Variants in TGM7 observed in about 807,000 individuals in gnomAD.
TGM7 encodes the protein transglutaminase 7, also known as protein-glutamine gamma-glutamyltransferase Z.
Under a neutral mutation model 79.5 loss-of-function variants are expected in TGM7, and 74 were observed. The observed-to-expected ratio is 0.93, with a 90% CI of 0.77 to 1.13. The LOEUF is 1.13. Among genes scored for constraint, TGM7 ranks in the 50% most tolerant of loss-of-function variants. TGM7 has a pLI of 0.00. For missense variants in TGM7, 912 were observed against 905.9 expected (o/e 1.01, Z -0.09); for synonymous variants, 354 against 362.5 (o/e 0.98, Z 0.27).
Position 43,282,077 on chromosome 15 carries a change from C to A in TGM7, c.1118G>T (p.Cys373Phe). 1 of 1,614,070 alleles carries A rather than the reference C, an allele frequency of 6.2e-7. No homozygotes were observed. Among genetic ancestry groups the A allele is most frequent in the African/African-American group, 1.3e-5 (1 of 75,048 alleles). Residue 373 changes from cysteine (C) to phenylalanine (F), a missense_variant, in exon 9 of 13, where the codon TGC becomes TTC. Transcript: ENST00000452443. ...GGCCTTCACAGAGGCAGGGCCACAG[C>A]AGAACAGCCCTGTGGAGGCAACAGG... Reference protein sequence around the residue: ...TPQQTSSGLFCCGPASVKAIR... With the variant: ...TPQQTSSGLFFCGPASVKAIR...
chr15:43,288,033 G>A (rs2042944848), intron 4 of TGM7, among the ~76,000 whole-genome samples: 1 of 152,102 alleles, frequency 6.6e-6, no homozygotes, highest in African/African-American at 2.4e-5. Flanking sequence ...CTTTGAGCAT[G>A]GTGGGTATCA....
rs1345370909 is a variant in TGM7 at position 43,293,631 on chromosome 15, A to G, written c.11T>C (p.Val4Ala). The change falls in exon 2 of 13, where the codon GTG (valine) becomes GCG (alanine). Residue 4 changes from valine (V) to alanine (A), a missense_variant and splice_region_variant. Transcript: ENST00000452443. MDQVATLRLESVDL... is the reference protein window; with the variant it reads MDQAATLRLESVDL... ...GACAGACTCAAGCCGCAAGGTTGCC[A>G]CTAGGGGAGAGGAGGGGACAGGTCA... 1 of 1,600,730 alleles carries G rather than the reference A, an allele frequency of 6.2e-7. No individual in the cohort carries two copies. The highest frequency in any genetic ancestry group is 1.7e-5 in the Admixed American group (1 of 59,428).
chr15:43,277,071 C>G, intron 11 of TGM7, 76 bp from the exon 12 acceptor site: 1 of 1,560,704 alleles, frequency 6.4e-7, no homozygotes, highest in East Asian at 2.3e-5. Context: ...CCCCCACCCC[C>G]AGGTCCCTGG....
At chr15:43,291,199 T>C (rs1355214187) in intron 4 of TGM7, among the ~76,000 whole-genome samples, 2 of 152,174 alleles carry the variant, frequency 1.3e-5, no homozygotes. Flanking sequence ...TGGCTGTGGG[T>C]TTGTCATAGG....
chr15:43,278,987 C>G (rs909014641), intron 11 of TGM7, 130 bp downstream of exon 11: 7 of 1,004,028 alleles, frequency 7.0e-6, no homozygotes, highest in Non-Finnish European at 1.0e-5. Context: ...AGCACTAGAC[C>G]ACACCATACT....
chr15:43,291,995 G>T lies in TGM7; in HGVS notation c.542C>A (p.Pro181His). The change falls in exon 4 of 13, where the codon CCC becomes CAC. Residue 181 changes from proline to histidine, a missense_variant. Pro to His is a moderately conservative substitution (Grantham distance 77, BLOSUM62 -2). Coordinates refer to ENST00000452443, the MANE Select transcript of TGM7 (RefSeq NM_052955.3). Reference sequence around the variant, plus strand: ...TAGTGTTACCTGCCCGTAGTTCCAGGGCCAGGAGGTGATGAATCTTTCATG... The same window carrying T: ...TAGTGTTACCTGCCCGTAGTTCCAGTGCCAGGAGGTGATGAATCTTTCATG... ...KGHERFITSW[P>H]WNYGQFEEDI... 6.2e-7 allele frequency: 1 copy of T among 1,613,780 alleles called. No individual in the cohort carries two copies. The highest frequency in any genetic ancestry group is 8.5e-7 in the Non-Finnish European group (1 of 1,179,776).
At chr15:43,292,461 C>G (rs1246180300) in intron 3 of TGM7, among the ~76,000 whole-genome samples, 1 of 152,196 alleles carries the variant, frequency 6.6e-6, no homozygotes, top group East Asian at 1.9e-4. Context: ...TAGCCACTCT[C>G]TCTTTCTGTG....
intron 3 of TGM7, 143 bp from the exon 4 acceptor site, chr15:43,292,240 C>A (rs969511081): frequency 4.8e-6 from 3 of 625,694 alleles, no homozygotes; most frequent in Non-Finnish European, 8.5e-6. Flanking sequence ...TAAGACTAGA[C>A]CCCCTTAAAG....
In TGM7 at chr15:43,279,156, T is replaced by C. The variant is rs1180218846; in HGVS notation, c.1800A>G (p.Leu600=). Residue 600 remains leucine, a synonymous_variant, in exon 11 of 13, where the codon CTA becomes CTG. Coordinates refer to ENST00000452443, the MANE Select transcript of TGM7 (RefSeq NM_052955.3). Reference sequence around the variant, plus strand: ...GGGGAGGCTCCAGACAGATATCTTTTAGGACCAGCATGGACCTCCCTGTCT... The same window carrying C: ...GGGGAGGCTCCAGACAGATATCTTTCAGGACCAGCATGGACCTCCCTGTCT... ...VEETGRSMLV[L]KDICLEPPHL... 3 of 1,614,094 alleles carry C rather than the reference T, an allele frequency of 1.9e-6. No homozygotes were observed. In the Admixed American group the frequency reaches 5.0e-5, roughly 27 times the overall value.
At position 43,282,466 on chromosome 15, in the gene TGM7, C is replaced by A. The variant is rs773800005; in HGVS notation, c.1108+51G>T. 25 of 1,498,650 alleles carry A rather than the reference C, an allele frequency of 1.7e-5. 1 individual carries two copies. Among genetic ancestry groups the A allele is most frequent in the Admixed American group, 7.9e-5 (4 of 50,848 alleles). The allele number at this position is 1,498,650 out of a possible 1,614,324, so 92.8% of individuals were successfully genotyped here. A position where few individuals can be genotyped will look rare whatever the true frequency, so the allele number is the denominator to read the frequency against. The stretch of plus-strand genomic sequence containing the variant: ...TCTCCTGCTCCCACGGCCAGTCACC[C>A]TAATCTGCCTCCCCACAGAGCCAGA... On this transcript the variant is annotated intron_variant, in intron 8 of 12. Coordinates refer to ENST00000452443, the MANE Select transcript of TGM7 (RefSeq NM_052955.3).
intron 1 of TGM7, among the ~76,000 whole-genome samples, chr15:43,295,068 T>G (rs770011527): frequency 6.6e-6 from 1 of 152,186 alleles, no homozygotes; most frequent in Non-Finnish European, 1.5e-5. Context: ...TGCCCTACAG[T>G]ATTTTTTTTG....
At chr15:43,300,230 T>G (rs825739) in intron 1 of TGM7, among the ~76,000 whole-genome samples, 43,380 of 152,160 alleles carry the variant, frequency 0.29, 9,921 homozygotes, top group African/African-American at 0.63. Context: ...AATACTAAGT[T>G]TTATGGAACT....
In TGM7 at chr15:43,287,419, G is replaced by T. The variant is rs1166241808; in HGVS notation, c.726C>A (p.Asn242Lys). ...CCCCTTTGGAGTAGTCCTCGCCCCA[G>T]TTCCCCTGCAGCACGCCATTGTCAT... is the stretch of plus-strand genomic sequence containing the variant. ...SNDDNGVLQG[N>K]WGEDYSKGVS... The change falls in exon 6 of 13, where the codon AAC becomes AAA. Residue 242 changes from asparagine to lysine, a missense_variant. Physicochemically the swap from Asn to Lys is moderately conservative, Grantham distance 94. Transcript: ENST00000452443. 3 of 1,614,104 alleles carry T rather than the reference G, an allele frequency of 1.9e-6. No individual in the cohort carries two copies. In the South Asian group the frequency reaches 3.3e-5, roughly 18 times the overall value.
intron 1 of TGM7, among the ~76,000 whole-genome samples, chr15:43,297,738 C>T (rs2043006745): frequency 6.6e-6 from 1 of 152,206 alleles, no homozygotes; most frequent in Admixed American, 6.5e-5. Flanking sequence ...CAGCCCTGCC[C>T]TCACTCACGC....
intron 5 of TGM7, 35 bp from the exon 6 acceptor site, chr15:43,287,492 C>T (rs771928875): frequency 1.2e-6 from 2 of 1,613,052 alleles, no homozygotes; most frequent in South Asian, 2.2e-5. Context: ...TCCACAGCTC[C>T]CGGGGAAGCT....
chr15:43,295,149 T>C (rs2142419815), intron 1 of TGM7, among the ~76,000 whole-genome samples: 1 of 152,370 alleles, frequency 6.6e-6, no homozygotes, highest in East Asian at 1.9e-4. Flanking sequence ...CCAAATATTT[T>C]ACTTTTCCAT....
At position 43,276,348 on chromosome 15, in the gene TGM7, C is replaced by T; in HGVS notation, c.*107G>A. 3.0e-6 allele frequency: 4 copies of T among 1,312,678 alleles called. No individual in the cohort carries two copies. Among genetic ancestry groups the T allele is most frequent in the Admixed American group, 2.3e-5 (1 of 43,482 alleles). 81.3% of individuals were successfully genotyped at this position (1,312,678 alleles called of 1,614,324 possible). ...TTTCTAACAGAGCTTCATTCATTCCCAGGCAGGCTAGAGAGAGGACAGAGG... is the reference window on the plus strand; with the variant it reads ...TTTCTAACAGAGCTTCATTCATTCCTAGGCAGGCTAGAGAGAGGACAGAGG... On this transcript the variant is annotated 3_prime_UTR_variant, in exon 13 of 13. Transcript: ENST00000452443.
intron 9 of TGM7, among the ~76,000 whole-genome samples, chr15:43,280,229 C>T (rs1413491735): frequency 6.6e-6 from 1 of 152,104 alleles, no homozygotes; most frequent in Non-Finnish European, 1.5e-5. Flanking sequence ...TGTTTTCTAC[C>T]ATCACTATGG....
rs116250851 is a variant in TGM7, at chr15:43,295,016, C to T, written c.11-1385G>A. Among the ~76,000 whole-genome samples the T allele has an allele frequency of 4.8e-3, 730 of 152,166 alleles. 6 individuals are homozygous for T. Among genetic ancestry groups the T allele is most frequent in the African/African-American group, 0.017 (701 of 41,514 alleles). On this transcript the variant is annotated intron_variant, in intron 1 of 12. Coordinates refer to ENST00000452443, the MANE Select transcript of TGM7 (RefSeq NM_052955.3). Reference sequence around the variant, plus strand: ...TTCTGGGCTCAAGTGATCCTCCCATCTCAGCTTCACAAGTATGTTGGACCA... The same window carrying T: ...TTCTGGGCTCAAGTGATCCTCCCATTTCAGCTTCACAAGTATGTTGGACCA...
Sources: gnomAD v4.1 joint callset for allele counts (sites outside exome capture counted in the v4.1 genomes callset) on GRCh38, gnomAD v4.1.1 for gene constraint, MANE v1.5 for transcripts, NCBI Gene and HGNC (gene_info 2026-07-23, HGNC 2026-07-21) for gene names.